Variants in ADD3 observed in about 807,000 individuals in gnomAD.
ADD3 encodes the protein adducin 3, also known as gamma-adducin.
ADD3 carries 25 observed loss-of-function variants against 80.2 expected under a neutral mutation model. The observed-to-expected ratio is 0.31, with a 90% CI of 0.23 to 0.44. The LOEUF (loss-of-function observed/expected upper bound fraction) is 0.44, where lower values mean the gene tolerates loss of function less well. Ranked by LOEUF, ADD3 falls within the 20% of genes least tolerant of loss-of-function variation. ADD3 has a pLI of 1.00. For synonymous variants in ADD3, 284 were observed against 289.6 expected, an observed-to-expected ratio of 0.98 and a Z score of 0.20; for missense variants, 829 against 847.5, an observed-to-expected ratio of 0.98 and a Z score of 0.27.
At chr10:110,129,466 GC>G (rs541809271) in intron 12 of ADD3, among the ~76,000 whole-genome samples, 13,603 of 152,032 alleles carry the variant, frequency 0.089, 1,993 homozygotes, top group African/African-American at 0.31. Context: ...TCTTTCTCAA[GC>G]CTCTGATCTT....
intron 1 of ADD3, among the ~76,000 whole-genome samples, chr10:110,081,217 G>C (rs1475710034): frequency 6.6e-6 from 1 of 152,136 alleles, no homozygotes; most frequent in Non-Finnish European, 1.5e-5. Context: ...AATAATGCTA[G>C]ATAATTATTA....
chr10:110,054,555 C>T (rs1290394618), intron 1 of ADD3, among the ~76,000 whole-genome samples: 1 of 151,118 alleles, frequency 6.6e-6, no homozygotes, highest in East Asian at 1.9e-4. Flanking sequence ...GATTCTCCTG[C>T]CTCAGCCTGC....
At chr10:110,038,069 C>CAAAA (rs754609555) in intron 1 of ADD3, among the ~76,000 whole-genome samples, 6 of 43,858 alleles carry the variant, frequency 1.4e-4, no homozygotes, top group Non-Finnish European at 1.6e-4. Context: ...AACTCCGTCT[C>CAAAA]AAAAAAAAAA....
chr10:110,114,666 T>A (rs1298610561), intron 3 of ADD3, among the ~76,000 whole-genome samples: 1 of 152,098 alleles, frequency 6.6e-6, no homozygotes, highest in African/African-American at 2.4e-5. Context: ...GGAATGGTAA[T>A]ATCAATATTA....
At position 110,122,254 on chromosome 10, in the gene ADD3, A is replaced by G. The variant is rs780435970; in HGVS notation, c.1105A>G (p.Ile369Val). The G allele has an allele frequency of 3.1e-6, 5 of 1,614,082 alleles. No homozygotes were observed. Among genetic ancestry groups the G allele is most frequent in the Non-Finnish European group, 4.2e-6 (5 of 1,179,978 alleles). Reference protein sequence around the residue: ...GSHQKWKVGEIEFEGLMRTLD... With the variant: ...GSHQKWKVGEVEFEGLMRTLD... ...CCATCAAAAATGGAAGGTTGGCGAA[A>G]TTGAGTTTGAAGGGCTTATGAGGAC... Residue 369 changes from isoleucine (I) to valine (V), a missense_variant, in exon 9 of 15, where the codon ATT (isoleucine) becomes GTT (valine). Coordinates refer to ENST00000356080, the MANE Select transcript of ADD3 (RefSeq NM_016824.5).
At chr10:109,996,795 C>T (rs1851388926) in intron 1 of ADD3, among the ~76,000 whole-genome samples, 1 of 152,134 alleles carries the variant, frequency 6.6e-6, no homozygotes, top group African/African-American at 2.4e-5. Flanking sequence ...TTAAATCATG[C>T]GTTAAACTTT....
At chr10:110,096,251 T>G (rs982024777) in intron 1 of ADD3, among the ~76,000 whole-genome samples, 1 of 152,216 alleles carries the variant, frequency 6.6e-6, no homozygotes, top group Non-Finnish European at 1.5e-5. Flanking sequence ...GTTTTCTAGT[T>G]TTCAAGTTAA....
chr10:110,133,949 C>G lies in ADD3; in HGVS notation c.*331C>G. Reference sequence around the variant, plus strand: ...CTGTTAGAAAGAAATTGCCAGTGAGCAAGTGAGAATTTTTATTTCTCAATA... The same window carrying G: ...CTGTTAGAAAGAAATTGCCAGTGAGGAAGTGAGAATTTTTATTTCTCAATA... On this transcript the variant is annotated 3_prime_UTR_variant, in exon 15 of 15. Transcript: ENST00000356080. 1 of 170,498 alleles carries G rather than the reference C, an allele frequency of 5.9e-6. No homozygotes were observed. The highest frequency in any genetic ancestry group is 2.4e-5 in the African/African-American group (1 of 42,282). 10.6% of individuals were successfully genotyped at this position (170,498 alleles called of 1,614,324 possible).
intron 1 of ADD3, among the ~76,000 whole-genome samples, chr10:110,020,663 C>G (rs998893982): frequency 2.6e-5 from 4 of 152,218 alleles, no homozygotes; most frequent in African/African-American, 7.2e-5. Flanking sequence ...TGAGACTAGA[C>G]CATAGTGAGC....
chr10:110,119,944 G>T (rs1054528828), intron 8 of ADD3, among the ~76,000 whole-genome samples: 1 of 152,192 alleles, frequency 6.6e-6, no homozygotes, highest in Non-Finnish European at 1.5e-5. Flanking sequence ...ACTAGGTCCA[G>T]AAGTTATATG....
At chr10:110,036,727 C>T (rs765780419) in intron 1 of ADD3, among the ~76,000 whole-genome samples, 2 of 151,996 alleles carry the variant, frequency 1.3e-5, no homozygotes, top group African/African-American at 4.8e-5. Flanking sequence ...CTTTCACTCT[C>T]TGAGGTATTG....
intron 1 of ADD3, among the ~76,000 whole-genome samples, chr10:110,097,987 G>C (rs2133927285): frequency 6.6e-6 from 1 of 152,186 alleles, no homozygotes; most frequent in African/African-American, 2.4e-5. Context: ...GTGTTGGCCA[G>C]GATGGTCTCG....
intron 1 of ADD3, among the ~76,000 whole-genome samples, chr10:110,060,922 C>T (rs1030973623): frequency 6.6e-6 from 1 of 152,158 alleles, no homozygotes. Context: ...AGTTAGGTTA[C>T]GCACATTCTG....
chr10:110,046,133 C>T (rs767934000), intron 1 of ADD3, among the ~76,000 whole-genome samples: 2 of 152,102 alleles, frequency 1.3e-5, no homozygotes, highest in Non-Finnish European at 2.9e-5. Context: ...TTGATGTGTA[C>T]CATAGATTGA....
chr10:110,121,776 C>G lies in ADD3; in HGVS notation c.961-334C>G, dbSNP rs55865783. On this transcript the variant is annotated intron_variant, in intron 8 of 14. Transcript: ENST00000356080. ...ATTTCCTTAAAATTATAGCTTTTAGCAAAAGTATTAACTGGATAACCCTGG... is the reference window on the plus strand; with the variant it reads ...ATTTCCTTAAAATTATAGCTTTTAGGAAAAGTATTAACTGGATAACCCTGG... 358 of 174,436 alleles carry G rather than the reference C, an allele frequency of 2.1e-3. 1 individual carries two copies. The highest frequency in any genetic ancestry group is 3.3e-3 in the Non-Finnish European group (277 of 83,196). 10.8% of individuals were successfully genotyped at this position (174,436 alleles called of 1,614,324 possible).
At chr10:110,131,101 G>A (rs1229372070) in intron 13 of ADD3, among the ~76,000 whole-genome samples, 8 of 152,120 alleles carry the variant, frequency 5.3e-5, no homozygotes, top group Non-Finnish European at 1.2e-4. Flanking sequence ...TTATCTCAAG[G>A]TGCCAACATT....
In ADD3 at chr10:110,133,453, T is replaced by G. The variant is rs1176679701; in HGVS notation, c.1956T>G (p.Ser652Arg). The G allele has an allele frequency of 1.9e-6, 3 of 1,613,732 alleles. No individual in the cohort carries two copies. In the East Asian group the frequency reaches 6.7e-5, roughly 36 times the overall value. The change falls in exon 15 of 15, where the codon AGT becomes AGG. Residue 652 changes from serine (S) to arginine (R), a missense_variant. Physicochemically the swap from Ser to Arg is moderately radical, Grantham distance 110. Transcript: ENST00000356080. The part of the protein sequence containing the change: ...LAKRVSRLST[S>R]TTIENIEITI... ...AGCGAGTGAGTAGGTTAAGCACAAGTACAACCATAGAAAACATCGAGATTA... is the reference window on the plus strand; with the variant it reads ...AGCGAGTGAGTAGGTTAAGCACAAGGACAACCATAGAAAACATCGAGATTA...
intron 14 of ADD3, 40 bp downstream of exon 14, chr10:110,132,440 G>T: frequency 7.5e-7 from 1 of 1,340,784 alleles, no homozygotes; most frequent in Non-Finnish European, 1.1e-6. Flanking sequence ...CACTGAGTTA[G>T]TCTTGAGTCT....
chr10:110,021,477 C>T (rs993978914), intron 1 of ADD3, among the ~76,000 whole-genome samples: 1 of 152,166 alleles, frequency 6.6e-6, no homozygotes, highest in African/African-American at 2.4e-5. Context: ...TGCCTATCAA[C>T]TGATAAATGG....
Sources: allele counts gnomAD v4.1 joint callset (sites outside exome capture counted in the v4.1 genomes callset), GRCh38; gene constraint gnomAD v4.1.1; transcripts MANE v1.5; gene names NCBI Gene and HGNC (gene_info 2026-07-23, HGNC 2026-07-21).